The following SWAP70 variants were observed in gnomAD, a reference collection of about 807,000 sequenced individuals.
The protein encoded by SWAP70 is switching B cell complex subunit SWAP70.
A neutral mutation model predicts 80.2 loss-of-function variants in SWAP70; 34 were observed. The observed-to-expected ratio is 0.42, with a 90% CI of 0.32 to 0.56. The LOEUF is 0.56. SWAP70 is among the 20% of genes least tolerant of loss of function. SWAP70 has a pLI of 0.09. For missense variants in SWAP70, 578 were observed against 690.7 expected, an observed-to-expected ratio of 0.84 and a Z score of 1.83; for synonymous variants, 239 against 238.5, an observed-to-expected ratio of 1.00 and a Z score of -0.02.
intron 1 of SWAP70, among the ~76,000 whole-genome samples, chr11:9,664,697 G>T (rs991034019): frequency 6.6e-6 from 1 of 152,190 alleles, no homozygotes; most frequent in African/African-American, 2.4e-5. Flanking sequence ...GCCCAAGGTC[G>T]CTGGGCAGAA....
chr11:9,672,433 T>G (rs1850430494), intron 1 of SWAP70, among the ~76,000 whole-genome samples: 1 of 151,154 alleles, frequency 6.6e-6, no homozygotes, highest in Non-Finnish European at 1.5e-5. Context: ...GGCACGATCA[T>G]AGCTCACCAT....
chr11:9,729,839 G>A (rs1239730469), intron 6 of SWAP70, among the ~76,000 whole-genome samples: 7 of 152,146 alleles, frequency 4.6e-5, no homozygotes, highest in African/African-American at 1.4e-4. Flanking sequence ...ATGCTAAGGC[G>A]TTACTTCCTC....
At chr11:9,694,423 A>C (rs1259033560) in intron 2 of SWAP70, 137 bp downstream of exon 2, 1 of 1,035,020 alleles carries the variant, frequency 9.7e-7, no homozygotes, top group Non-Finnish European at 1.3e-6. Context: ...AGGAAGAAAG[A>C]ATGAGAGACT....
chr11:9,717,791 A>G (rs1851084896), intron 3 of SWAP70, among the ~76,000 whole-genome samples: 1 of 151,790 alleles, frequency 6.6e-6, no homozygotes, highest in Non-Finnish European at 1.5e-5. Context: ...GTTTTTTTCC[A>G]TCACTAAAAT....
chr11:9,687,068 T>C (rs1850642450), intron 1 of SWAP70, among the ~76,000 whole-genome samples: 1 of 152,254 alleles, frequency 6.6e-6, no homozygotes. Context: ...CATCTTTTCC[T>C]ATATTTTATT....
At chr11:9,727,751 A>T (rs1388957969) in intron 4 of SWAP70, among the ~76,000 whole-genome samples, 1 of 152,216 alleles carries the variant, frequency 6.6e-6, no homozygotes, top group Non-Finnish European at 1.5e-5. Context: ...TCTCTAAAAG[A>T]TAATGATTTT....
intron 1 of SWAP70, among the ~76,000 whole-genome samples, chr11:9,682,181 A>G (rs996990619): frequency 2.6e-5 from 4 of 152,132 alleles, no homozygotes; most frequent in Non-Finnish European, 4.4e-5. Context: ...CTGGGAGGTG[A>G]GGGGAGGAGC....
chr11:9,699,160 G>A (rs770713325), intron 2 of SWAP70, among the ~76,000 whole-genome samples: 3 of 152,120 alleles, frequency 2.0e-5, no homozygotes, highest in African/African-American at 7.2e-5. Flanking sequence ...TGGGGTGAGG[G>A]GGAGGTAGGA....
intron 3 of SWAP70, among the ~76,000 whole-genome samples, chr11:9,716,395 C>G (rs577949093): frequency 6.6e-6 from 1 of 152,138 alleles, no homozygotes; most frequent in Non-Finnish European, 1.5e-5. Flanking sequence ...GCCTGGGCAA[C>G]TGGGGAATAA....
At chr11:9,727,234 A>C (rs918451541) in intron 4 of SWAP70, among the ~76,000 whole-genome samples, 3 of 152,152 alleles carry the variant, frequency 2.0e-5, no homozygotes, top group African/African-American at 7.2e-5. Flanking sequence ...TTAAAAATTC[A>C]AAAATTAGCC....
intron 1 of SWAP70, among the ~76,000 whole-genome samples, chr11:9,678,543 C>CTTTTTTTTTT (rs72123125): frequency 1.3e-5 from 1 of 77,208 alleles, no homozygotes; most frequent in Admixed American, 1.4e-4. Flanking sequence ...CTCTGAGGTG[C>CTTTTTTTTTT]TTTTTTTTTT....
chr11:9,713,432 T>C, intron 2 of SWAP70, 34 bp from the exon 3 acceptor site: 1 of 1,591,540 alleles, frequency 6.3e-7, no homozygotes, highest in Non-Finnish European at 8.5e-7. Context: ...TATATCGGAC[T>C]GATTTGTTGG....
chr11:9,679,169 G>T (rs983818982), intron 1 of SWAP70, among the ~76,000 whole-genome samples: 1 of 152,076 alleles, frequency 6.6e-6, no homozygotes, highest in East Asian at 1.9e-4. Context: ...TAATTTTTTT[G>T]ATCTTAAGAC....
At chr11:9,730,558 ATTC>A (rs2133809465) in intron 6 of SWAP70, among the ~76,000 whole-genome samples, 1 of 148,316 alleles carries the variant, frequency 6.7e-6, no homozygotes, top group South Asian at 2.1e-4. Flanking sequence ...GGTTTTACTT[ATTC>A]TTATTATTTG....
chr11:9,672,215 A>ATATATATG lies in SWAP70; in HGVS notation c.99+7944_99+7945insGTATATAT, dbSNP rs1850426141. Among the ~76,000 whole-genome samples, 5 of 132,516 alleles carry ATATATATG rather than the reference A, an allele frequency of 3.8e-5. No individual in the cohort carries two copies. The Admixed American group carries it at 4.2e-4, about 11-fold the overall frequency. The allele number at this position is 132,516 out of a possible 152,430, so 86.9% of individuals were successfully genotyped here. ...TGTGTCTATATATATATATATATATATATATATATATATGATTGTAAAGTA... is the reference window on the plus strand; with the variant it reads ...TGTGTCTATATATATATATATATATATATATATGTATATATATATATGATTGTAAAGTA... On this transcript the variant is annotated intron_variant, in intron 1 of 11. Transcript: ENST00000318950.
chr11:9,713,746 C>CTT (rs1851029684), intron 3 of SWAP70, 107 bp downstream of exon 3: 5 of 1,325,072 alleles, frequency 3.8e-6, no homozygotes, highest in Non-Finnish European at 4.1e-6. Flanking sequence ...AGATCCTTGG[C>CTT]TAGTGTTTTT....
At chr11:9,742,884 C>CTT (rs56710904) in intron 9 of SWAP70, among the ~76,000 whole-genome samples, 202 of 140,932 alleles carry the variant, frequency 1.4e-3, no homozygotes, top group Middle Eastern at 7.5e-3. Context: ...CTTCTCACTC[C>CTT]TTTTTTTTTT....
chr11:9,720,564 G>C (rs183200729), intron 3 of SWAP70: 11 of 827,148 alleles, frequency 1.3e-5, no homozygotes, highest in Non-Finnish European at 1.6e-5. Flanking sequence ...TCTCACCCAC[G>C]TGTAGTCATA....
chr11:9,725,438 CT>C lies in SWAP70; in HGVS notation c.642+556del, dbSNP rs1851196904. Among the ~76,000 whole-genome samples the C allele has an allele frequency of 2.1e-5, 3 of 145,428 alleles. No homozygotes were observed. The South Asian group carries it at 6.5e-4, about 32-fold the overall frequency. On this transcript the variant is annotated intron_variant, in intron 4 of 11. Transcript: ENST00000318950. ...GTGGCTCATGCCTGTAATCCCAGCA[CT>C]TTGGGAGGCTGAGGCGGGTGGATCA... is the stretch of plus-strand genomic sequence containing the variant.
Sources: allele counts gnomAD v4.1 joint callset (sites outside exome capture counted in the v4.1 genomes callset), GRCh38; gene constraint gnomAD v4.1.1; transcripts MANE v1.5; gene names NCBI Gene and HGNC (gene_info 2026-07-23, HGNC 2026-07-21).